The following ITIH1 variants were observed in gnomAD, a reference collection of about 807,000 sequenced individuals.
The protein encoded by ITIH1 is inter-alpha-trypsin inhibitor heavy chain 1.
A neutral mutation model predicts 104.6 loss-of-function variants in ITIH1; 94 were observed. The observed-to-expected ratio is 0.90, with a 90% CI of 0.76 to 1.07. The LOEUF (loss-of-function observed/expected upper bound fraction) is 1.07. Ranked by LOEUF, ITIH1 falls within the 50% of genes least tolerant of loss-of-function variation. The pLI, the probability that ITIH1 is intolerant of heterozygous loss-of-function variation, is 0.00. For synonymous variants in ITIH1, 455 were observed against 464.4 expected (o/e 0.98, Z 0.26); for missense variants, 1,193 against 1,181.4 (o/e 1.01, Z -0.14).
At position 52,784,307 on chromosome 3, in the gene ITIH1, C is replaced by G; in HGVS notation, c.1237C>G (p.Arg413Gly). 1 of 1,613,372 alleles carries G rather than the reference C, an allele frequency of 6.2e-7. No individual in the cohort carries two copies. Among genetic ancestry groups the G allele is most frequent in the Non-Finnish European group, 8.5e-7 (1 of 1,179,608 alleles). ...DGDPTEGVTD[R>G]SQILKNVRNA... ...TGTGTGGCTTGCAGGGGTGACGGAC[C>G]GTTCCCAAATCCTCAAGAACGTCCG... Residue 413 changes from arginine to glycine, a missense_variant, in exon 11 of 22, where the codon CGT (arginine) becomes GGT (glycine). Transcript: ENST00000273283.
chr3:52,784,623 G>A, intron 11 of ITIH1, 146 bp downstream of exon 11: 2 of 859,088 alleles, frequency 2.3e-6, no homozygotes, highest in Non-Finnish European at 1.7e-6. Context: ...GGTGGCTCAA[G>A]CCTGTAATCC....
chr3:52,791,995 C>G lies in ITIH1; in HGVS notation c.*84C>G. On this transcript the variant is annotated 3_prime_UTR_variant, in exon 22 of 22. Transcript: ENST00000273283. The stretch of plus-strand genomic sequence containing the variant: ...TCCTGACCTGCTGCTGAGGCTGTAC[C>G]TCCTTGACTAAGCTGGTTCCTTGTG... 2.1e-6 allele frequency: 3 copies of G among 1,440,840 alleles called. No homozygotes were observed. Among genetic ancestry groups the G allele is most frequent in the South Asian group, 1.3e-5 (1 of 76,134 alleles). 89.3% of individuals were successfully genotyped at this position (1,440,840 alleles called of 1,614,324 possible). A position where few individuals can be genotyped will look rare whatever the true frequency, so the allele number is the denominator to read the frequency against.
At chr3:52,789,292 C>T (rs1055783239) in intron 18 of ITIH1, among the ~76,000 whole-genome samples, 7 of 152,082 alleles carry the variant, frequency 4.6e-5, no homozygotes, top group Non-Finnish European at 7.4e-5. Context: ...CCCAGGTCAG[C>T]GGAGACCTCT....
rs760202259 is a variant in ITIH1 at position 52,783,272 on chromosome 3, A to G, written c.1158A>G (p.Glu386=). The change falls in exon 10 of 22, where the codon GAA becomes GAG. Residue 386 remains glutamate (E), a synonymous_variant. Coordinates refer to ENST00000273283, the MANE Select transcript of ITIH1 (RefSeq NM_002215.4). ...RGIEILNQVQ[E]SLPELSNHAS... is the part of the protein sequence containing the mutation. Reference sequence around the variant, plus strand: ...TTGAGATCTTGAACCAAGTTCAGGAAAGCCTCCCAGAACTCAGCAACCATG... The same window carrying G: ...TTGAGATCTTGAACCAAGTTCAGGAGAGCCTCCCAGAACTCAGCAACCATG... 55 of 1,614,048 alleles carry G rather than the reference A, an allele frequency of 3.4e-5. No homozygotes were observed. Among genetic ancestry groups the G allele is most frequent in the Non-Finnish European group, 5.1e-6 (6 of 1,180,042 alleles).
At position 52,787,043 on chromosome 3, in the gene ITIH1, T is replaced by A. The variant is rs759556517; in HGVS notation, c.1832T>A (p.Ile611Asn). ...GFVTPLTSMSIRGMADQDGLK... is the reference protein window; with the variant it reads ...GFVTPLTSMSNRGMADQDGLK... ...GTGACCCCACTGACCTCCATGAGCA[T>A]CAGGGGCATGGCGGACCAGGACGGC... Residue 611 changes from isoleucine to asparagine, a missense_variant, in exon 14 of 22, where the codon ATC (isoleucine) becomes AAC (asparagine). Transcript: ENST00000273283. 3.7e-6 allele frequency: 6 copies of A among 1,614,098 alleles called. No individual in the cohort carries two copies. In the South Asian group the frequency reaches 6.6e-5, roughly 18 times the overall value.
rs371159381 is a variant in ITIH1, at chr3:52,782,986, G to A, written c.960G>A (p.Gly320=). 5.6e-6 allele frequency: 9 copies of A among 1,613,904 alleles called. No homozygotes were observed. The highest frequency in any genetic ancestry group is 4.0e-5 in the African/African-American group (3 of 74,862). ...QTKEALLKIL[G]DMQPGDYFDL... ...AGGAGGCACTCCTTAAAATTCTGGGGGACATGCAGCCAGGGGACTACTTTG... is the reference window on the plus strand; with the variant it reads ...AGGAGGCACTCCTTAAAATTCTGGGAGACATGCAGCCAGGGGACTACTTTG... Residue 320 remains glycine, a synonymous_variant, in exon 9 of 22, where the codon GGG becomes GGA. Coordinates refer to ENST00000273283, the MANE Select transcript of ITIH1 (RefSeq NM_002215.4).
At chr3:52,785,288 C>T in intron 12 of ITIH1, 59 bp downstream of exon 12, 1 of 1,533,942 alleles carries the variant, frequency 6.5e-7, no homozygotes. Context: ...GCTCCAAACC[C>T]ACACTGTTCC....
At position 52,787,041 on chromosome 3, in the gene ITIH1, C is replaced by T. The variant is rs776664544; in HGVS notation, c.1830C>T (p.Ser610=). Residue 610 remains serine (S), a synonymous_variant, in exon 14 of 22, where the codon AGC becomes AGT. Coordinates refer to ENST00000273283, the MANE Select transcript of ITIH1 (RefSeq NM_002215.4). ...YGFVTPLTSM[S]IRGMADQDGL... is the part of the protein sequence containing the mutation. ...TTGTGACCCCACTGACCTCCATGAG[C>T]ATCAGGGGCATGGCGGACCAGGACG... 1 of 1,614,176 alleles carries T rather than the reference C, an allele frequency of 6.2e-7. No homozygotes were observed. Among genetic ancestry groups the T allele is most frequent in the Non-Finnish European group, 8.5e-7 (1 of 1,180,020 alleles).
chr3:52,781,067 T>TCCC, intron 6 of ITIH1, among the ~76,000 whole-genome samples: 1 of 152,238 alleles, frequency 6.6e-6, no homozygotes. Flanking sequence ...TCAAGAGTGT[T>TCCC]AGCAAACATG....
Position 52,785,095 on chromosome 3 carries a change from T to C in ITIH1, c.1459T>C (p.Tyr487His). The C allele has an allele frequency of 6.2e-7, 1 of 1,614,092 alleles. No individual in the cohort carries two copies. The highest frequency in any genetic ancestry group is 8.5e-7 in the Non-Finnish European group (1 of 1,179,986). ...CCTGCTGGTGGATGTGGATTTGCAG[T>C]ACCCCCAGGATGCTGTCTTGGCCCT... ...KPLLVDVDLQ[Y>H]PQDAVLALTQ... The change falls in exon 12 of 22, where the codon TAC becomes CAC. Residue 487 changes from tyrosine (Y) to histidine (H), a missense_variant. Transcript: ENST00000273283.
chr3:52,786,275 C>G lies in ITIH1; in HGVS notation c.1594-20C>G, dbSNP rs1182229028. ...GTGCTTATCATGGTGCACCACCCCT[C>G]TCTGTACCTCAACTCTCAGGAGGGA... is the stretch of plus-strand genomic sequence containing the variant. On this transcript the variant is annotated intron_variant, in intron 12 of 21. Transcript: ENST00000273283. 2 of 1,562,140 alleles carry G rather than the reference C, an allele frequency of 1.3e-6. No individual in the cohort carries two copies. Among genetic ancestry groups the G allele is most frequent in the Non-Finnish European group, 1.7e-6 (2 of 1,151,728 alleles).
Position 52,791,865 on chromosome 3 carries a change from T to C in ITIH1, c.2690T>C (p.Leu897Pro), listed in dbSNP as rs1258570013. The C allele has an allele frequency of 1.2e-6, 2 of 1,614,116 alleles. No individual in the cohort carries two copies. The highest frequency in any genetic ancestry group is 1.7e-6 in the Non-Finnish European group (2 of 1,179,972). ...CWFIHNNGAGLIDGAYTDYIV... is the reference protein window; with the variant it reads ...CWFIHNNGAGPIDGAYTDYIV... ...TTCATTCACAACAATGGGGCTGGAC[T>C]CATCGATGGTGCCTACACTGATTAT... Residue 897 changes from leucine to proline, a missense_variant, in exon 22 of 22, where the codon CTC becomes CCC. Leu to Pro is a moderately conservative substitution (Grantham distance 98). Coordinates refer to ENST00000273283, the MANE Select transcript of ITIH1 (RefSeq NM_002215.4).
rs678 is a variant in ITIH1 at position 52,786,965 on chromosome 3, A to G, written c.1754A>G (p.Glu585Gly). 6.2e-7 allele frequency: 1 copy of G among 1,612,868 alleles called. No homozygotes were observed. Among genetic ancestry groups the G allele is most frequent in the African/African-American group, 1.3e-5 (1 of 74,960 alleles). The change falls in exon 14 of 22, where the codon GAG becomes GGG. Residue 585 changes from glutamate (E) to glycine (G), a missense_variant. Transcript: ENST00000273283. ...LAKRMKVDRE[E>G]RANLSSQALQ... ...TGCAGGATGAAGGTGGACAGGGAGG[A>G]GAGGGCCAACCTGTCATCCCAGGCC... is the stretch of plus-strand genomic sequence containing the variant.
rs1031953101 is a variant in ITIH1 at position 52,783,079 on chromosome 3, C to T, written c.1053C>T (p.Asn351=). Residue 351 remains asparagine, a synonymous_variant, in exon 9 of 22, where the codon AAC becomes AAT. Transcript: ENST00000273283. ...KGSLVQASEA[N]LQAAQDFVRG... ...CGCTGGTGCAAGCATCTGAGGCCAA[C>T]CTACAAGCAGCTCAAGACTTTGTGC... The T allele has an allele frequency of 6.2e-7, 1 of 1,614,052 alleles. No individual in the cohort carries two copies. The highest frequency in any genetic ancestry group is 2.2e-5 in the East Asian group (1 of 44,870).
intron 10 of ITIH1, among the ~76,000 whole-genome samples, chr3:52,783,563 G>A (rs1395647179): frequency 6.6e-6 from 1 of 152,198 alleles, no homozygotes; most frequent in African/African-American, 2.4e-5. Flanking sequence ...GTTTCTAAAT[G>A]ACACAGGTCT....
intron 13 of ITIH1, 32 bp downstream of exon 13, chr3:52,786,466 C>T (rs975989478): frequency 6.4e-7 from 1 of 1,552,670 alleles, no homozygotes; most frequent in Non-Finnish European, 8.7e-7. Context: ...CAGGTGGGCA[C>T]TGCCCACCCC....
In ITIH1 at chr3:52,783,022, T is replaced by C; in HGVS notation, c.996T>C (p.Leu332=). The change falls in exon 9 of 22, where the codon CTT becomes CTC. Residue 332 remains leucine (L), a synonymous_variant. Transcript: ENST00000273283. ...MQPGDYFDLV[L]FGTRVQSWKG... is the part of the protein sequence containing the mutation. ...CAGGGGACTACTTTGACCTGGTTCT[T>C]TTTGGGACTCGAGTACAATCGTGGA... 6.2e-7 allele frequency: 1 copy of C among 1,614,054 alleles called. No homozygotes were observed. The highest frequency in any genetic ancestry group is 8.5e-7 in the Non-Finnish European group (1 of 1,179,994).
In ITIH1 at chr3:52,785,120, T is replaced by C; in HGVS notation, c.1484T>C (p.Leu495Pro). 6.2e-7 allele frequency: 1 copy of C among 1,614,148 alleles called. No individual in the cohort carries two copies. Among genetic ancestry groups the C allele is most frequent in the South Asian group, 1.1e-5 (1 of 91,086 alleles). The part of the protein sequence containing the change: ...LQYPQDAVLA[L>P]TQNHHKQYYE... ...TACCCCCAGGATGCTGTCTTGGCCC[T>C]GACCCAGAACCACCATAAACAGTAC... The change falls in exon 12 of 22, where the codon CTG (leucine) becomes CCG (proline). Residue 495 changes from leucine (L) to proline (P), a missense_variant. Physicochemically the swap from Leu to Pro is moderately conservative, Grantham distance 98. Transcript: ENST00000273283.
At chr3:52,778,197 A>T in intron 2 of ITIH1, 143 bp from the exon 3 acceptor site, 1 of 1,096,512 alleles carries the variant, frequency 9.1e-7, no homozygotes, top group East Asian at 2.4e-5. Context: ...TCTCAGCCAG[A>T]GAGCAGGGGT....
Sources: gnomAD v4.1 joint callset for allele counts (sites outside exome capture counted in the v4.1 genomes callset) on GRCh38, gnomAD v4.1.1 for gene constraint, MANE v1.5 for transcripts, NCBI Gene and HGNC (gene_info 2026-07-23, HGNC 2026-07-21) for gene names.